The following ANXA11 variants were observed in gnomAD, a reference collection of about 807,000 sequenced individuals.
The protein encoded by ANXA11 is 56 kDa autoantigen.
A neutral mutation model predicts 64.7 loss-of-function variants in ANXA11; 57 were observed. The ratio of observed to expected loss-of-function variants is 0.88; its 90% CI spans 0.71 to 1.10. The LOEUF (loss-of-function observed/expected upper bound fraction) is 1.10. ANXA11 is among the 50% of genes least tolerant of loss of function. The pLI, the probability that ANXA11 is intolerant of heterozygous loss-of-function variation, is 0.00. For synonymous variants in ANXA11, 260 were observed against 265.2 expected (o/e 0.98, Z 0.19); for missense variants, 675 against 670.7 (o/e 1.01, Z -0.07).
intron 1 of ANXA11, among the ~76,000 whole-genome samples, chr10:80,194,176 T>C (rs1421599404): frequency 4.6e-5 from 7 of 152,170 alleles, no homozygotes; most frequent in South Asian, 2.1e-4. Flanking sequence ...CTGAAGCTTA[T>C]ACAATTTTAG....
intron 8 of ANXA11, 130 bp from the exon 9 acceptor site, chr10:80,164,273 C>G: frequency 1.5e-6 from 1 of 647,788 alleles, no homozygotes; most frequent in Non-Finnish European, 2.7e-6. Context: ...GAGACACACC[C>G]TCCAGCCACT....
intron 1 of ANXA11, among the ~76,000 whole-genome samples, chr10:80,193,695 G>T (rs12770550): frequency 0.63 from 95,096 of 150,278 alleles, 31,108 homozygotes; most frequent in African/African-American, 0.8. Context: ...AATACAGAAA[G>T]TAGTCTGGCG....
rs980714821 is a variant in ANXA11 at position 80,153,275 on chromosome 10, T to C, written c.*2578A>G. On this transcript the variant is annotated 3_prime_UTR_variant, in exon 16 of 16. Transcript: ENST00000422982. ...GGCAGCTGCAACTCAGCTCCAGCCA[T>C]GCAGGAATGCAAGCCCCATAGTGCC... 1 of 152,228 alleles carries C rather than the reference T, an allele frequency of 6.6e-6. No homozygotes were observed. The highest frequency in any genetic ancestry group is 1.9e-4 in the East Asian group (1 of 5,194). 9.4% of individuals were successfully genotyped at this position (152,228 alleles called of 1,614,324 possible).
At chr10:80,192,819 A>G (rs1846831036) in intron 1 of ANXA11, among the ~76,000 whole-genome samples, 1 of 152,228 alleles carries the variant, frequency 6.6e-6, no homozygotes, top group Non-Finnish European at 1.5e-5. Flanking sequence ...TTTGGAATGG[A>G]TATTTCTATC....
At chr10:80,185,040 G>A (rs539962662) in intron 1 of ANXA11, among the ~76,000 whole-genome samples, 3 of 152,194 alleles carry the variant, frequency 2.0e-5, no homozygotes, top group Non-Finnish European at 2.9e-5. Flanking sequence ...TATTTGGCCT[G>A]CAGGGCAAGG....
chr10:80,176,364 C>T (rs1212080025), intron 1 of ANXA11, among the ~76,000 whole-genome samples: 1 of 152,080 alleles, frequency 6.6e-6, no homozygotes, highest in Non-Finnish European at 1.5e-5. Context: ...ATGTACTAAG[C>T]TAATAAAAAA....
At chr10:80,203,699 C>T (rs556153468) in intron 1 of ANXA11, among the ~76,000 whole-genome samples, 1 of 152,290 alleles carries the variant, frequency 6.6e-6, no homozygotes, top group East Asian at 1.9e-4. Flanking sequence ...CGAGTCAGTG[C>T]CAGAAGGGCT....
chr10:80,158,985 G>T, intron 13 of ANXA11, 115 bp downstream of exon 13: 2 of 774,174 alleles, frequency 2.6e-6, no homozygotes, highest in Non-Finnish European at 2.2e-6. Flanking sequence ...GAGCGATCTT[G>T]GATCCTGTGG....
intron 1 of ANXA11, among the ~76,000 whole-genome samples, chr10:80,184,333 C>T (rs946937140): frequency 3.3e-5 from 5 of 152,088 alleles, no homozygotes; most frequent in Non-Finnish European, 5.9e-5. Context: ...CACAGCAGTC[C>T]CCAACTTATG....
At chr10:80,166,475 T>A (rs12411386) in intron 7 of ANXA11, 56,451 of 446,528 alleles carry the variant, frequency 0.13, 4,235 homozygotes, top group South Asian at 0.22. Context: ...CGAATTTTTA[T>A]CTTTCTAAGA....
chr10:80,182,646 T>G (rs1846397155), intron 1 of ANXA11, among the ~76,000 whole-genome samples: 1 of 152,200 alleles, frequency 6.6e-6, no homozygotes, highest in South Asian at 2.1e-4. Context: ...ACCTAGGTTT[T>G]GAACCCCGCA....
In ANXA11 at chr10:80,157,649, C is replaced by T; in HGVS notation, c.1450G>A (p.Asp484Asn). The change falls in exon 15 of 16, where the codon GAC (aspartate) becomes AAC (asparagine). Residue 484 changes from aspartate to asparagine, a missense_variant. Transcript: ENST00000422982. ...KRMYGKSLYH[D>N]ISGDTSGDYR... The stretch of plus-strand genomic sequence containing the variant: ...CTGCAGCAGGCCCGTACCGAGATGT[C>T]GTGGTACAGCGACTTGCCGTACATC... The T allele has an allele frequency of 3.1e-6, 5 of 1,613,438 alleles. No individual in the cohort carries two copies. The highest frequency in any genetic ancestry group is 1.1e-5 in the South Asian group (1 of 91,020).
chr10:80,190,205 C>T (rs1030404582), intron 1 of ANXA11, among the ~76,000 whole-genome samples: 4 of 152,112 alleles, frequency 2.6e-5, no homozygotes, highest in African/African-American at 4.8e-5. Context: ...TGTTGCACAA[C>T]GAAGTGAATG....
intron 12 of ANXA11, among the ~76,000 whole-genome samples, chr10:80,159,979 C>T (rs1845440562): frequency 6.6e-6 from 1 of 152,186 alleles, no homozygotes; most frequent in South Asian, 2.1e-4. Context: ...CGACCTAGGA[C>T]ACGCTAAGCA....
chr10:80,205,605 C>G (rs1192477346), upstream of ANXA11: 1 of 152,100 alleles, frequency 6.6e-6, no homozygotes, highest in African/African-American at 2.4e-5. Flanking sequence ...GCGGCCCCGC[C>G]CCCAAGATGA....
Position 80,193,444 on chromosome 10 carries a change from G to C in ANXA11, c.-58+11899C>G, listed in dbSNP as rs376503721. ...TGGATCAACATATTTGGCTTTTTTC[G>C]TGTATTATTATAAAATATTTTTACA... On this transcript the variant is annotated intron_variant, in intron 1 of 15. Coordinates refer to ENST00000422982, the MANE Select transcript of ANXA11 (RefSeq NM_145868.2). Among the ~76,000 whole-genome samples the C allele has an allele frequency of 5.3e-5, 8 of 152,100 alleles. No homozygotes were observed. The East Asian group carries it at 9.6e-4, about 18-fold the overall frequency.
At chr10:80,196,475 C>T (rs564263063) in intron 1 of ANXA11, among the ~76,000 whole-genome samples, 8 of 152,278 alleles carry the variant, frequency 5.3e-5, no homozygotes, top group South Asian at 2.1e-4. Context: ...GCCTCTATTA[C>T]GTAGGCCCCA....
chr10:80,184,742 C>T (rs1310072969), intron 1 of ANXA11, among the ~76,000 whole-genome samples: 7 of 152,104 alleles, frequency 4.6e-5, no homozygotes, highest in Admixed American at 6.5e-5. Context: ...TACAAGAGGG[C>T]CAGAAAACCA....
rs140683348 is a variant in ANXA11 at position 80,186,113 on chromosome 10, C to T, written c.-57-9958G>A. ...AACGCGATCTTGACAGTTTACGAGA[C>T]CTTTCTGCACCTCAGTTTTCCCCAT... On this transcript the variant is annotated intron_variant, in intron 1 of 15. Transcript: ENST00000422982. Among the ~76,000 whole-genome samples the T allele has an allele frequency of 4.7e-3, 719 of 152,282 alleles. 2 individuals are homozygous for T. The highest frequency in any genetic ancestry group is 0.016 in the African/African-American group (670 of 41,528).
Sources: allele counts gnomAD v4.1 joint callset (sites outside exome capture counted in the v4.1 genomes callset), GRCh38; gene constraint gnomAD v4.1.1; transcripts MANE v1.5; gene names NCBI Gene and HGNC (gene_info 2026-07-23, HGNC 2026-07-21).